Variants in ANKS1B observed in about 807,000 individuals in gnomAD.
The protein encoded by ANKS1B is ankyrin repeat and sterile alpha motif domain containing 1B, also known as ankyrin repeat and sterile alpha motif domain-containing protein 1B.
ANKS1B carries 36 observed loss-of-function variants against 148.3 expected under a neutral mutation model. The observed-to-expected ratio is 0.24, with a 90% confidence interval of 0.19 to 0.32. The LOEUF (loss-of-function observed/expected upper bound fraction) is 0.32. ANKS1B is among the 10% of genes least tolerant of loss of function. ANKS1B has a pLI of 1.00. For synonymous variants in ANKS1B, 542 were observed against 560.8 expected (o/e 0.97, Z 0.47); for missense variants, 1,157 against 1,542.6 (o/e 0.75, Z 4.19).
intron 17 of ANKS1B, among the ~76,000 whole-genome samples, chr12:98,952,947 C>G (rs536455749): frequency 6.6e-6 from 1 of 152,208 alleles, no homozygotes; most frequent in Non-Finnish European, 1.5e-5. Context: ...TAGTTTCAAA[C>G]TCCGGGGCTC....
chr12:99,053,697 T>A (rs1029806009), intron 16 of ANKS1B, among the ~76,000 whole-genome samples: 1 of 152,190 alleles, frequency 6.6e-6, no homozygotes, highest in African/African-American at 2.4e-5. Context: ...AGATGATAAT[T>A]CTCATATGCA....
chr12:99,708,258 A>G (rs2056122499), intron 8 of ANKS1B, among the ~76,000 whole-genome samples: 2 of 152,152 alleles, frequency 1.3e-5, no homozygotes, highest in South Asian at 4.1e-4. Context: ...TAATGACCCG[A>G]TGTCATGAAT....
rs116024749 is a variant in ANKS1B, at chr12:99,359,084, T to C, written c.1756+40547A>G. On this transcript the variant is annotated intron_variant, in intron 12 of 26. Coordinates refer to ENST00000683438, the MANE Select transcript of ANKS1B (RefSeq NM_001352186.2). ...TAAAGAAATTGATCTCTCTACCCCA[T>C]TGTTCTTTTCAAAATTCTTTTAAAT... Among the ~76,000 whole-genome samples, 1,500 of 152,202 alleles carry C rather than the reference T, an allele frequency of 9.9e-3. 27 individuals are homozygous for C. Among genetic ancestry groups the C allele is most frequent in the African/African-American group, 0.035 (1,435 of 41,554 alleles).
chr12:98,907,385 G>A (rs11109663), intron 17 of ANKS1B, among the ~76,000 whole-genome samples: 13,603 of 152,156 alleles, frequency 0.089, 1,080 homozygotes, highest in East Asian at 0.35. Flanking sequence ...GCTTGATGCC[G>A]TCCTGCCTTC....
At chr12:98,736,320 T>C (rs2097772772) in intron 9 of ANKS1B, among the ~76,000 whole-genome samples, 1 of 152,160 alleles carries the variant, frequency 6.6e-6, no homozygotes, top group African/African-American at 2.4e-5. Flanking sequence ...TCTGGACATA[T>C]TTTGAAGATA....
At chr12:99,124,685 A>G (rs755262544) in intron 15 of ANKS1B, among the ~76,000 whole-genome samples, 5 of 152,132 alleles carry the variant, frequency 3.3e-5, no homozygotes, top group Non-Finnish European at 2.9e-5. Flanking sequence ...AACACAAAGA[A>G]CTGAGCCTTT....
At chr12:99,099,124 C>T (rs1033254026) in intron 15 of ANKS1B, among the ~76,000 whole-genome samples, 1 of 152,058 alleles carries the variant, frequency 6.6e-6, no homozygotes, top group African/African-American at 2.4e-5. Flanking sequence ...TCACTCCTAG[C>T]AGGAGTCTGG....
At chr12:99,637,970 G>A (rs73387907) in intron 9 of ANKS1B, among the ~76,000 whole-genome samples, 1,731 of 151,866 alleles carry the variant, frequency 0.011, 34 homozygotes, top group African/African-American at 0.04. Flanking sequence ...ATTAAATCAC[G>A]GGGATGGTTA....
chr12:99,263,105 T>G (rs2076092810), intron 12 of ANKS1B, among the ~76,000 whole-genome samples: 8 of 152,022 alleles, frequency 5.3e-5, no homozygotes, highest in Admixed American at 5.2e-4. Context: ...TATTCCCATT[T>G]CGTAGGTGAG....
intron 8 of ANKS1B, among the ~76,000 whole-genome samples, chr12:99,674,947 A>G (rs10860485): frequency 0.24 from 35,690 of 151,854 alleles, 4,758 homozygotes; most frequent in Non-Finnish European, 0.31. Context: ...AAAAGCATAC[A>G]AAAGACTTGA....
intron 14 of ANKS1B, chr12:99,154,695 G>GCATA: frequency 2.1e-6 from 3 of 1,436,414 alleles, no homozygotes; most frequent in Non-Finnish European, 2.7e-6. Flanking sequence ...GCAGAAGAAG[G>GCATA]CATATCAAGC....
At chr12:99,791,987 C>G (rs1036163499) in intron 4 of ANKS1B, among the ~76,000 whole-genome samples, 1 of 151,368 alleles carries the variant, frequency 6.6e-6, no homozygotes, top group Admixed American at 6.6e-5. Context: ...AAGAAAAACA[C>G]AATTGACAAA....
chr12:99,826,934 G>T (rs1352611717), intron 1 of ANKS1B, among the ~76,000 whole-genome samples: 1 of 151,944 alleles, frequency 6.6e-6, no homozygotes, highest in East Asian at 1.9e-4. Flanking sequence ...AACATAACAA[G>T]ACTCCATGTC....
intron 1 of ANKS1B, among the ~76,000 whole-genome samples, chr12:99,980,992 G>A (rs2095693511): frequency 3.9e-5 from 6 of 152,128 alleles, no homozygotes; most frequent in Admixed American, 6.5e-5. Flanking sequence ...TCCGCACTAG[G>A]TGAGAAGTTG....
intron 1 of ANKS1B, among the ~76,000 whole-genome samples, chr12:99,943,432 C>T (rs949876174): frequency 4.6e-5 from 7 of 152,204 alleles, no homozygotes; most frequent in South Asian, 4.1e-4. Context: ...TCAGTTCTCA[C>T]GCTGCTAATA....
chr12:98,980,791 A>C (rs1212496134), intron 17 of ANKS1B, among the ~76,000 whole-genome samples: 1 of 152,116 alleles, frequency 6.6e-6, no homozygotes, highest in Non-Finnish European at 1.5e-5. Context: ...GAGCCTCTCC[A>C]AACTCCAGTC....
chr12:98,959,873 G>T (rs944744431), intron 17 of ANKS1B, among the ~76,000 whole-genome samples: 3 of 152,194 alleles, frequency 2.0e-5, no homozygotes, highest in African/African-American at 7.2e-5. Flanking sequence ...GGGTAGTGGT[G>T]ATCACAGGGA....
At chr12:99,794,105 T>C (rs1409014483) in intron 4 of ANKS1B, among the ~76,000 whole-genome samples, 1 of 151,982 alleles carries the variant, frequency 6.6e-6, no homozygotes, top group Non-Finnish European at 1.5e-5. Context: ...GAAATGCAAA[T>C]CAAAACTGCA....
At chr12:99,068,567 A>G (rs1474440818) in intron 16 of ANKS1B, among the ~76,000 whole-genome samples, 1 of 152,098 alleles carries the variant, frequency 6.6e-6, no homozygotes, top group African/African-American at 2.4e-5. Flanking sequence ...AAAATGCTAG[A>G]GTGGATTGGA....
Sources: gnomAD v4.1 joint callset for allele counts (sites outside exome capture counted in the v4.1 genomes callset) on GRCh38, gnomAD v4.1.1 for gene constraint, MANE v1.5 for transcripts, NCBI Gene and HGNC (gene_info 2026-07-23, HGNC 2026-07-21) for gene names.